YES1: variants seen among roughly 807,000 people sequenced by gnomAD.
YES1 encodes the protein YES proto-oncogene 1, Src family tyrosine kinase.
In YES1, 39 loss-of-function variants were observed where a neutral mutation model predicts 70.4. The ratio of observed to expected loss-of-function variants is 0.55; its 90% CI spans 0.43 to 0.72. The LOEUF is 0.72. YES1 is among the 30% of genes least tolerant of loss of function. The pLI is 0.00. For synonymous variants in YES1, 198 were observed against 218.6 expected (o/e 0.91, Z 0.83); for missense variants, 495 against 644.8 (o/e 0.77, Z 2.52).
At chr18:747,469 CAAAAA>C (rs1053130002) in intron 4 of YES1, among the ~76,000 whole-genome samples, 1 of 151,286 alleles carries the variant, frequency 6.6e-6, no homozygotes, top group Admixed American at 6.6e-5. Flanking sequence ...GACCCTGTCT[CAAAAA>C]AAAGAAGAAT....
At position 742,914 on chromosome 18, in the gene YES1, A is replaced by G. The variant is rs1375593277; in HGVS notation, c.1060+4T>C. 1 of 1,581,504 alleles carries G rather than the reference A, an allele frequency of 6.3e-7. No individual in the cohort carries two copies. The highest frequency in any genetic ancestry group is 1.9e-5 in the Admixed American group (1 of 52,914). On this transcript the variant is annotated splice_donor_region_variant and intron_variant, in intron 8 of 11. Coordinates refer to ENST00000314574, the MANE Select transcript of YES1 (RefSeq NM_005433.4). ...CAAATACCTAAGGAGATACTAATACATACCTTTTGACATAAATTCAGTGAC... is the reference window on the plus strand; with the variant it reads ...CAAATACCTAAGGAGATACTAATACGTACCTTTTGACATAAATTCAGTGAC...
chr18:788,402 T>G (rs756087164), intron 1 of YES1, among the ~76,000 whole-genome samples: 1 of 152,208 alleles, frequency 6.6e-6, no homozygotes, highest in Non-Finnish European at 1.5e-5. Context: ...CTGGCTACAC[T>G]ATTTCAACCC....
intron 9 of YES1, chr18:737,446 C>A: frequency 6.5e-6 from 1 of 152,762 alleles, no homozygotes; most frequent in East Asian, 1.9e-4. Context: ...GAGCGAGACT[C>A]AGCCTCAAAA....
chr18:782,156 GTC>G (rs1452624051), intron 1 of YES1, among the ~76,000 whole-genome samples: 2 of 151,890 alleles, frequency 1.3e-5, no homozygotes, highest in East Asian at 3.9e-4. Flanking sequence ...TTTTATCTTA[GTC>G]TCTCTTCATC....
intron 6 of YES1, among the ~76,000 whole-genome samples, chr18:743,882 G>A (rs1020896798): frequency 6.7e-6 from 1 of 149,848 alleles, no homozygotes; most frequent in Non-Finnish European, 1.5e-5. Flanking sequence ...CTCTAGCCTG[G>A]GTGACACAGT....
chr18:731,915 T>C (rs1362287799), intron 11 of YES1, among the ~76,000 whole-genome samples: 4 of 130,302 alleles, frequency 3.1e-5, no homozygotes, highest in Non-Finnish European at 6.1e-5. Flanking sequence ...TGCAGTGAGC[T>C]GAGATCGTGC....
At chr18:764,736 TTCTC>T (rs565172301) in intron 1 of YES1, among the ~76,000 whole-genome samples, 2 of 152,152 alleles carry the variant, frequency 1.3e-5, no homozygotes, top group African/African-American at 2.4e-5. Flanking sequence ...TCTTTCTTTT[TTCTC>T]TCTTTTTTTT....
At chr18:727,517 CTCTCT>C (rs2080034789) in intron 11 of YES1, among the ~76,000 whole-genome samples, 1 of 151,986 alleles carries the variant, frequency 6.6e-6, no homozygotes, top group South Asian at 2.1e-4. Context: ...TTCGTTTCTC[CTCTCT>C]TGCTTTTTAA....
At chr18:788,905 GAC>G (rs1192774022) in intron 1 of YES1, among the ~76,000 whole-genome samples, 1 of 152,190 alleles carries the variant, frequency 6.6e-6, no homozygotes, top group Non-Finnish European at 1.5e-5. Context: ...CAGCCTGGAT[GAC>G]AGAGTTAAAG....
At chr18:738,990 A>T (rs8087143) in intron 9 of YES1, 69,277 of 151,632 alleles carry the variant, frequency 0.46, 16,025 homozygotes, top group African/African-American at 0.54. Flanking sequence ...CGCCTGGCTA[A>T]TTTTCAGTAT....
chr18:790,007 G>A (rs1264151480), intron 1 of YES1, among the ~76,000 whole-genome samples: 1 of 152,140 alleles, frequency 6.6e-6, no homozygotes, highest in South Asian at 2.1e-4. Context: ...GCAGTGAGCT[G>A]AGATTGTGCC....
chr18:811,646 A>ACTCGCCCCACACACCCGCTC lies in YES1; in HGVS notation c.-9+448_-9+467dup, dbSNP rs1206806832. On this transcript the variant is annotated intron_variant, in intron 1 of 11. Coordinates refer to ENST00000314574, the MANE Select transcript of YES1 (RefSeq NM_005433.4). ...CAAGTAAAGCCAGAAAGGCTCATCC[A>ACTCGCCCCACACACCCGCTC]CTCGCCCCACACACCCGCTCCTCTC... is the stretch of plus-strand genomic sequence containing the variant. Among the ~76,000 whole-genome samples the ACTCGCCCCACACACCCGCTC allele has an allele frequency of 9.7e-4, 146 of 151,166 alleles. 2 individuals are homozygous for ACTCGCCCCACACACCCGCTC. Among genetic ancestry groups the ACTCGCCCCACACACCCGCTC allele is most frequent in the Middle Eastern group, 3.5e-3 (1 of 288 alleles).
At chr18:776,051 T>C (rs990366819) in intron 1 of YES1, among the ~76,000 whole-genome samples, 7 of 152,222 alleles carry the variant, frequency 4.6e-5, no homozygotes, top group Non-Finnish European at 8.8e-5. Context: ...ATGCATATTC[T>C]ACTGGATGTA....
intron 1 of YES1, among the ~76,000 whole-genome samples, chr18:777,903 G>C (rs1477757404): frequency 6.6e-6 from 1 of 151,612 alleles, no homozygotes; most frequent in African/African-American, 2.4e-5. Flanking sequence ...TTTGAAATAA[G>C]TTTATAATGT....
At chr18:792,266 T>C (rs1301456014) in intron 1 of YES1, among the ~76,000 whole-genome samples, 2 of 152,098 alleles carry the variant, frequency 1.3e-5, no homozygotes, top group African/African-American at 2.4e-5. Flanking sequence ...ATTGTGCCAC[T>C]GTACTCCAGC....
At position 773,645 on chromosome 18, in the gene YES1, C is replaced by T. The variant is rs564616492; in HGVS notation, c.-8-16810G>A. On this transcript the variant is annotated intron_variant, in intron 1 of 11. Transcript: ENST00000314574. The stretch of plus-strand genomic sequence containing the variant: ...TTTAAAACCTCTAGACTTTCATAAT[C>T]CTGTCCATTGTATAATAACTTTCCT... Among the ~76,000 whole-genome samples the T allele has an allele frequency of 7.2e-4, 110 of 152,260 alleles. 2 individuals carry two copies. The highest frequency in any genetic ancestry group is 3.4e-3 in the Middle Eastern group (1 of 292).
intron 1 of YES1, among the ~76,000 whole-genome samples, chr18:769,281 AT>A (rs1905052790): frequency 6.6e-6 from 1 of 152,224 alleles, no homozygotes; most frequent in South Asian, 2.1e-4. Flanking sequence ...GTATATTTGT[AT>A]ATTACGTTCT....
chr18:745,097 GAAAC>G (rs1440818189), intron 6 of YES1, among the ~76,000 whole-genome samples: 1 of 152,078 alleles, frequency 6.6e-6, no homozygotes, highest in African/African-American at 2.4e-5. Flanking sequence ...CATTACCATG[GAAAC>G]ATCCCCTCTC....
At chr18:804,242 C>G (rs1020839020) in intron 1 of YES1, among the ~76,000 whole-genome samples, 8 of 152,148 alleles carry the variant, frequency 5.3e-5, no homozygotes, top group African/African-American at 1.2e-4. Context: ...CAAATAGCCA[C>G]GATTACTTGT....
Sources: allele counts gnomAD v4.1 joint callset (sites outside exome capture counted in the v4.1 genomes callset), GRCh38; gene constraint gnomAD v4.1.1; transcripts MANE v1.5; gene names NCBI Gene and HGNC (gene_info 2026-07-23, HGNC 2026-07-21).